Variants in EEFSEC observed in about 807,000 individuals in gnomAD.
The protein encoded by EEFSEC is selenocysteine-specific elongation factor.
EEFSEC carries 43 observed loss-of-function variants against 42.1 expected under a neutral mutation model. That is an observed-to-expected ratio of 1.02 (90% CI 0.80 to 1.32). The LOEUF is 1.32. Among genes scored for constraint, EEFSEC ranks in the 40% most tolerant of loss-of-function variants. The pLI is 0.00. For synonymous variants in EEFSEC, 354 were observed against 339.1 expected, an observed-to-expected ratio of 1.04 and a Z score of -0.48; for missense variants, 745 against 803.6, an observed-to-expected ratio of 0.93 and a Z score of 0.88.
chr3:128,271,767 C>T (rs1010512570), intron 4 of EEFSEC, among the ~76,000 whole-genome samples: 1 of 152,168 alleles, frequency 6.6e-6, no homozygotes, highest in Non-Finnish European at 1.5e-5. Context: ...CTGCTCCTCC[C>T]CTTGCCTCCC....
intron 1 of EEFSEC, among the ~76,000 whole-genome samples, chr3:128,160,540 G>C (rs576325289): frequency 6.6e-6 from 1 of 152,288 alleles, no homozygotes; most frequent in South Asian, 2.1e-4. Flanking sequence ...GCTTTTGATA[G>C]AAAGTTGCAG....
chr3:128,179,460 T>C (rs2065383214), intron 1 of EEFSEC, among the ~76,000 whole-genome samples: 1 of 152,214 alleles, frequency 6.6e-6, no homozygotes, highest in South Asian at 2.1e-4. Flanking sequence ...GAGCAGATAA[T>C]ATTTGAGTAT....
chr3:128,190,934 T>C (rs1482354136), intron 1 of EEFSEC, among the ~76,000 whole-genome samples: 1 of 152,152 alleles, frequency 6.6e-6, no homozygotes, highest in Non-Finnish European at 1.5e-5. Context: ...GTATTTTTTT[T>C]ATTATGGTAA....
intron 4 of EEFSEC, among the ~76,000 whole-genome samples, chr3:128,266,139 C>A (rs117984134): frequency 6.6e-6 from 1 of 152,150 alleles, no homozygotes; most frequent in African/African-American, 2.4e-5. Flanking sequence ...TGAAGCCCAC[C>A]TACATTATAG....
chr3:128,170,811 A>C lies in EEFSEC; in HGVS notation c.316+16988A>C, dbSNP rs146394512. On this transcript the variant is annotated intron_variant, in intron 1 of 6. Coordinates refer to ENST00000254730, the MANE Select transcript of EEFSEC (RefSeq NM_021937.5). ...TTTCTAAAAGTTTTTAAAAGTACAT[A>C]ATAAGAAAACTTGTTATGGCAACCA... Among the ~76,000 whole-genome samples, 9 of 152,380 alleles carry C rather than the reference A, an allele frequency of 5.9e-5. No homozygotes were observed. The East Asian group carries it at 1.7e-3, about 29-fold the overall frequency.
the EEFSEC span, among the ~76,000 whole-genome samples, chr3:128,416,248 T>G: frequency 6.6e-6 from 1 of 152,140 alleles, no homozygotes; most frequent in African/African-American, 2.4e-5. Context: ...GGGCCCACCC[T>G]GCCCCTGGGG....
chr3:128,387,066 G>T (rs1218052974), intron 6 of EEFSEC, among the ~76,000 whole-genome samples: 1 of 152,226 alleles, frequency 6.6e-6, no homozygotes, highest in Non-Finnish European at 1.5e-5. Context: ...GAGGAGGATG[G>T]ACAACTTGCC....
At chr3:128,393,839 G>A (rs2067946313) in intron 6 of EEFSEC, among the ~76,000 whole-genome samples, 1 of 152,246 alleles carries the variant, frequency 6.6e-6, no homozygotes, top group Non-Finnish European at 1.5e-5. Flanking sequence ...CAGGGACCAG[G>A]ATGTGGCCAC....
intron 5 of EEFSEC, among the ~76,000 whole-genome samples, chr3:128,352,108 A>G (rs534228004): frequency 3.3e-4 from 51 of 152,334 alleles, no homozygotes; most frequent in South Asian, 2.1e-3. Flanking sequence ...GAACCCAACC[A>G]TCACACATGC....
At chr3:128,375,998 G>C (rs2107609543) in intron 6 of EEFSEC, among the ~76,000 whole-genome samples, 1 of 152,340 alleles carries the variant, frequency 6.6e-6, no homozygotes, top group South Asian at 2.1e-4. Context: ...AAAGTTCAGA[G>C]GTGGTGCTTG....
chr3:128,234,579 T>G (rs1295368007), intron 1 of EEFSEC, among the ~76,000 whole-genome samples: 1 of 152,174 alleles, frequency 6.6e-6, no homozygotes, highest in Non-Finnish European at 1.5e-5. Context: ...CCTCCACTGG[T>G]CTTGCAGAAG....
intron 1 of EEFSEC, among the ~76,000 whole-genome samples, chr3:128,173,315 A>G (rs1056801502): frequency 2.6e-5 from 4 of 152,210 alleles, no homozygotes; most frequent in Admixed American, 6.5e-5. Context: ...GTTGTTTTCC[A>G]TCTTCACTCC....
chr3:128,252,709 A>G (rs914254547), intron 2 of EEFSEC, among the ~76,000 whole-genome samples: 4 of 152,226 alleles, frequency 2.6e-5, no homozygotes, highest in Non-Finnish European at 4.4e-5. Context: ...ATATATATGT[A>G]TATACACACA....
chr3:128,419,258 A>G, the EEFSEC span, among the ~76,000 whole-genome samples: 7,919 of 138,452 alleles, frequency 0.057, 674 homozygotes, highest in African/African-American at 0.18. Context: ...GAAACAGGAG[A>G]AAAAAAATGG....
intron 4 of EEFSEC, among the ~76,000 whole-genome samples, chr3:128,301,814 A>AG (rs2066772381): frequency 1.3e-5 from 2 of 152,058 alleles, no homozygotes; most frequent in South Asian, 4.2e-4. Context: ...ACATTTAATG[A>AG]GGAGGGGTAG....
At chr3:128,264,994 T>C (rs566598255) in intron 4 of EEFSEC, among the ~76,000 whole-genome samples, 2 of 152,268 alleles carry the variant, frequency 1.3e-5, no homozygotes, top group South Asian at 2.1e-4. Context: ...CTAATTCTCA[T>C]AGCGCCTGTT....
Position 128,346,347 on chromosome 3 carries a change from C to T in EEFSEC, c.1443+4458C>T, listed in dbSNP as rs7651516. Among the ~76,000 whole-genome samples the T allele has an allele frequency of 3.0e-3, 462 of 152,310 alleles. 4 individuals carry two copies. Among genetic ancestry groups the T allele is most frequent in the African/African-American group, 0.011 (438 of 41,566 alleles). On this transcript the variant is annotated intron_variant, in intron 5 of 6. Transcript: ENST00000254730. ...TTGCTTGGCTAACAAATGAGCCACCCGGAAACCTACTTTGGTTGCAGCCTT... is the reference window on the plus strand; with the variant it reads ...TTGCTTGGCTAACAAATGAGCCACCTGGAAACCTACTTTGGTTGCAGCCTT...
At chr3:128,163,041 A>T (rs539901863) in intron 1 of EEFSEC, among the ~76,000 whole-genome samples, 7 of 152,300 alleles carry the variant, frequency 4.6e-5, no homozygotes, top group African/African-American at 1.4e-4. Context: ...AAGCCCTAAG[A>T]CATATTCCCC....
chr3:128,169,016 A>C (rs892744740), intron 1 of EEFSEC, among the ~76,000 whole-genome samples: 4 of 152,228 alleles, frequency 2.6e-5, no homozygotes, highest in Non-Finnish European at 5.9e-5. Flanking sequence ...TCAACAAAGC[A>C]GAAGTGGCTT....
Sources: gnomAD v4.1 joint callset for allele counts (sites outside exome capture counted in the v4.1 genomes callset) on GRCh38, gnomAD v4.1.1 for gene constraint, MANE v1.5 for transcripts, NCBI Gene and HGNC (gene_info 2026-07-23, HGNC 2026-07-21) for gene names.